The following FRAS1 variants were observed in gnomAD, a reference collection of about 807,000 sequenced individuals.
FRAS1 encodes the protein Fraser extracellular matrix complex subunit 1, also known as extracellular matrix organizing protein FRAS1.
In FRAS1, 290 loss-of-function variants were observed where a neutral mutation model predicts 435.2. The observed-to-expected ratio is 0.67, with a 90% confidence interval of 0.61 to 0.73. FRAS1 has a LOEUF of 0.73. FRAS1 is among the 30% of genes least tolerant of loss of function. The probability of loss-of-function intolerance (pLI) is 0.00; values close to 1 mark genes in which losing one functional copy is unlikely to be tolerated. For synonymous variants in FRAS1, 1,800 were observed against 1,851.0 expected (o/e 0.97, Z 0.71); for missense variants, 4,860 against 5,001.5 (o/e 0.97, Z 0.85).
At chr4:78,305,073 A>C (rs1015600377) in intron 14 of FRAS1, among the ~76,000 whole-genome samples, 3 of 152,052 alleles carry the variant, frequency 2.0e-5, no homozygotes, top group African/African-American at 2.4e-5. Flanking sequence ...CTTTGTTCTC[A>C]TTGGTTTCAA....
rs577216611 is a variant in FRAS1, at chr4:78,228,336, T to G, written c.109-9174T>G. On this transcript the variant is annotated intron_variant, in intron 2 of 73. Coordinates refer to ENST00000512123, the MANE Select transcript of FRAS1 (RefSeq NM_025074.7). ...GGCACATGTTTTACTCATAATGGAATTTCTGTGGTTAACATCTCTAGGAAT... is the reference window on the plus strand; with the variant it reads ...GGCACATGTTTTACTCATAATGGAAGTTCTGTGGTTAACATCTCTAGGAAT... Among the ~76,000 whole-genome samples, 3 of 152,330 alleles carry G rather than the reference T, an allele frequency of 2.0e-5. No individual in the cohort carries two copies. In the East Asian group the frequency reaches 5.8e-4, roughly 29 times the overall value.
At chr4:78,085,619 T>A (rs1037422037) in intron 2 of FRAS1, among the ~76,000 whole-genome samples, 22 of 152,004 alleles carry the variant, frequency 1.4e-4, no homozygotes, top group African/African-American at 4.6e-4. Flanking sequence ...CTGGAATGAG[T>A]CAGCCAAGAA....
At chr4:78,062,021 C>T (rs1739782102) in intron 1 of FRAS1, among the ~76,000 whole-genome samples, 1 of 152,152 alleles carries the variant, frequency 6.6e-6, no homozygotes, top group Non-Finnish European at 1.5e-5. Context: ...AATTATATTT[C>T]CATTGCCCTC....
rs772760584 is a variant in FRAS1 at position 78,430,316 on chromosome 4, C to T, written c.4868C>T (p.Ala1623Val). 7 of 1,613,786 alleles carry T rather than the reference C, an allele frequency of 4.3e-6. No homozygotes were observed. The highest frequency in any genetic ancestry group is 5.9e-6 in the Non-Finnish European group (7 of 1,179,888). The change falls in exon 37 of 74, where the codon GCT becomes GTT. Residue 1623 changes from alanine to valine, a missense_variant. Coordinates refer to ENST00000512123, the MANE Select transcript of FRAS1 (RefSeq NM_025074.7). The stretch of plus-strand genomic sequence containing the variant: ...GGACTTCAGGTGGTAGTAAGAGATG[C>T]TGAGACAGCGCCCAAAGAACTCTTC... ...SVGLQVVVRD[A>V]ETAPKELFFE...
intron 70 of FRAS1, 101 bp from the exon 71 acceptor site, chr4:78,534,348 G>A (rs555908396): frequency 4.0e-5 from 36 of 895,052 alleles, no homozygotes; most frequent in Non-Finnish European, 5.4e-5. Context: ...ACAAAGCTCT[G>A]TGTACAATCC....
chr4:78,287,928 G>T (rs186577264), intron 14 of FRAS1, among the ~76,000 whole-genome samples: 42 of 152,288 alleles, frequency 2.8e-4, no homozygotes, highest in Non-Finnish European at 1.5e-4. Flanking sequence ...TCCGAGTTTG[G>T]CTTGGAGGCT....
intron 32 of FRAS1, among the ~76,000 whole-genome samples, chr4:78,417,548 G>T (rs1365458217): frequency 6.6e-6 from 1 of 152,146 alleles, no homozygotes; most frequent in Non-Finnish European, 1.5e-5. Flanking sequence ...ATTAGGGTGA[G>T]AGACCAGCTG....
intron 19 of FRAS1, among the ~76,000 whole-genome samples, chr4:78,336,267 A>G (rs1258010007): frequency 6.6e-6 from 1 of 152,116 alleles, no homozygotes; most frequent in African/African-American, 2.4e-5. Flanking sequence ...TGTCAAGCTC[A>G]GTGGGGGAAT....
intron 2 of FRAS1, among the ~76,000 whole-genome samples, chr4:78,136,797 C>G (rs1268470628): frequency 6.6e-6 from 1 of 152,190 alleles, no homozygotes; most frequent in East Asian, 1.9e-4. Context: ...GCTGTGCTGA[C>G]ACTGAAGCAC....
rs1455777699 is a variant in FRAS1, at chr4:78,062,130, G to A, written c.77-3855G>A. On this transcript the variant is annotated intron_variant, in intron 1 of 73. Transcript: ENST00000512123. ...CACTGTTATGGACTTGGGTGGCAAT[G>A]TCACCCAACTGTACTCACACAAGTA... 2.6e-5 allele frequency among the ~76,000 whole-genome samples: 4 copies of A among 152,216 alleles called. No individual in the cohort carries two copies. The East Asian group carries it at 7.7e-4, about 29-fold the overall frequency.
chr4:78,138,951 C>T (rs960676795), intron 2 of FRAS1, among the ~76,000 whole-genome samples: 1 of 152,182 alleles, frequency 6.6e-6, no homozygotes, highest in Non-Finnish European at 1.5e-5. Flanking sequence ...TTAATAAGCA[C>T]TTCTCTTGCG....
chr4:78,369,718 T>C (rs1021832136), intron 22 of FRAS1, 120 bp from the exon 23 acceptor site: 4 of 752,110 alleles, frequency 5.3e-6, no homozygotes, highest in East Asian at 5.9e-5. Context: ...TGAGCCATAA[T>C]GAAATGTAGA....
chr4:78,231,867 TA>T (rs1421950138), intron 2 of FRAS1, among the ~76,000 whole-genome samples: 1 of 152,192 alleles, frequency 6.6e-6, no homozygotes, highest in Non-Finnish European at 1.5e-5. Flanking sequence ...CATATATTAT[TA>T]AAAATATTAA....
At position 78,448,254 on chromosome 4, in the gene FRAS1, C is replaced by G. The variant is rs1718916788; in HGVS notation, c.6212C>G (p.Thr2071Arg). The change falls in exon 44 of 74, where the codon ACA (threonine) becomes AGA (arginine). Residue 2071 changes from threonine to arginine, a missense_variant. Thr to Arg is a moderately conservative substitution (Grantham distance 71). Transcript: ENST00000512123. The stretch of plus-strand genomic sequence containing the variant: ...GACACAGGGAGGATGAAGATCTACA[C>G]AGAACTGCCTGCAAGTGACACACCT... ...HVDTGRMKIYTELPASDTPHL... is the reference protein window; with the variant it reads ...HVDTGRMKIYRELPASDTPHL... 32 of 1,612,862 alleles carry G rather than the reference C, an allele frequency of 2.0e-5. No individual in the cohort carries two copies. Among genetic ancestry groups the G allele is most frequent in the Non-Finnish European group, 2.7e-5 (32 of 1,179,688 alleles).
intron 2 of FRAS1, among the ~76,000 whole-genome samples, chr4:78,163,096 G>T (rs867466963): frequency 6.6e-6 from 1 of 152,194 alleles, no homozygotes; most frequent in African/African-American, 2.4e-5. Flanking sequence ...TTCATGTATT[G>T]CTGTTCTCTA....
At chr4:78,082,367 T>G (rs1230409414) in intron 2 of FRAS1, among the ~76,000 whole-genome samples, 4 of 152,162 alleles carry the variant, frequency 2.6e-5, no homozygotes, top group Non-Finnish European at 4.4e-5. Flanking sequence ...CATATATAAA[T>G]TTAAATTTAA....
chr4:78,480,513 T>G (rs1205676039), intron 56 of FRAS1, among the ~76,000 whole-genome samples: 1 of 152,186 alleles, frequency 6.6e-6, no homozygotes, highest in Non-Finnish European at 1.5e-5. Context: ...ACTGAGCATC[T>G]GGGCTTGTGA....
chr4:78,149,736 A>G (rs1720566017), intron 2 of FRAS1, among the ~76,000 whole-genome samples: 1 of 152,120 alleles, frequency 6.6e-6, no homozygotes, highest in Non-Finnish European at 1.5e-5. Flanking sequence ...TCTTTCTCAG[A>G]CAGCATTCCT....
chr4:78,120,175 C>T (rs1381029258), intron 2 of FRAS1, among the ~76,000 whole-genome samples: 1 of 152,198 alleles, frequency 6.6e-6, no homozygotes, highest in Non-Finnish European at 1.5e-5. Context: ...TTCTGACCAA[C>T]ATATGTGCCA....
Sources: allele counts gnomAD v4.1 joint callset (sites outside exome capture counted in the v4.1 genomes callset), GRCh38; gene constraint gnomAD v4.1.1; transcripts MANE v1.5; gene names NCBI Gene and HGNC (gene_info 2026-07-23, HGNC 2026-07-21).